Variants in RGS6 observed in about 807,000 individuals in gnomAD.
The protein encoded by RGS6 is regulator of G protein signaling 6, also known as regulator of G-protein signaling 6.
In RGS6, 30 loss-of-function variants were observed where a neutral mutation model predicts 78.5. The ratio of observed to expected loss-of-function variants is 0.38; its 90% CI spans 0.29 to 0.52. The LOEUF (loss-of-function observed/expected upper bound fraction) is 0.52. RGS6 is among the 20% of genes least tolerant of loss of function. The pLI is 0.85. For synonymous variants in RGS6, 206 were observed against 206.0 expected, an observed-to-expected ratio of 1.00 and a Z score of 0.00; for missense variants, 495 against 609.7, an observed-to-expected ratio of 0.81 and a Z score of 1.98.
At chr14:72,629,802 A>C in the RGS6 span, 3 of 1,259,436 alleles carry the variant, frequency 2.4e-6, no homozygotes, top group Non-Finnish European at 3.4e-6. Context: ...AACACCACTC[A>C]CTGGAAACAC....
chr14:72,339,283 T>A (rs1194742043), intron 2 of RGS6, among the ~76,000 whole-genome samples: 1 of 152,166 alleles, frequency 6.6e-6, no homozygotes, highest in Non-Finnish European at 1.5e-5. Context: ...TCAGGACACA[T>A]GGAAAGTGCC....
chr14:72,187,187 A>G (rs757483748), intron 2 of RGS6, among the ~76,000 whole-genome samples: 7 of 152,246 alleles, frequency 4.6e-5, no homozygotes, highest in Non-Finnish European at 8.8e-5. Flanking sequence ...TACAGTTAAC[A>G]TCAAGAAACT....
At chr14:72,264,973 C>T (rs2153896737) in intron 2 of RGS6, among the ~76,000 whole-genome samples, 1 of 152,246 alleles carries the variant, frequency 6.6e-6, no homozygotes, top group African/African-American at 2.4e-5. Context: ...CTCCCTGATG[C>T]CTGCCAGGAG....
chr14:72,582,185 T>C, the RGS6 span, among the ~76,000 whole-genome samples: 7 of 152,220 alleles, frequency 4.6e-5, no homozygotes, highest in Admixed American at 1.3e-4. Context: ...AGGTCCTACC[T>C]CCCAATGCCA....
At chr14:72,139,633 A>T (rs976647053) in intron 2 of RGS6, among the ~76,000 whole-genome samples, 1 of 152,200 alleles carries the variant, frequency 6.6e-6, no homozygotes, top group Admixed American at 6.5e-5. Context: ...TTATAGATAG[A>T]GTTTCAGCTA....
chr14:71,909,882 A>T, the RGS6 span, among the ~76,000 whole-genome samples: 1 of 152,104 alleles, frequency 6.6e-6, no homozygotes, highest in Non-Finnish European at 1.5e-5. Context: ...ATTTGAGCTA[A>T]AGGCAATTAA....
At chr14:72,262,561 T>A (rs531203797) in intron 2 of RGS6, among the ~76,000 whole-genome samples, 1 of 152,304 alleles carries the variant, frequency 6.6e-6, no homozygotes, top group East Asian at 1.9e-4. Context: ...GGATTAAGGT[T>A]TCAACATATA....
chr14:72,364,480 C>T (rs1395910945), intron 3 of RGS6, among the ~76,000 whole-genome samples: 1 of 152,192 alleles, frequency 6.6e-6, no homozygotes, highest in Non-Finnish European at 1.5e-5. Context: ...GACTTTCTAG[C>T]CATTTGAGAA....
At chr14:71,891,367 C>T in the RGS6 span, among the ~76,000 whole-genome samples, 1 of 152,162 alleles carries the variant, frequency 6.6e-6, no homozygotes, top group African/African-American at 2.4e-5. Flanking sequence ...GGTGGCTCCT[C>T]CCATGGCTGG....
chr14:72,346,077 T>A (rs766928877), intron 2 of RGS6, among the ~76,000 whole-genome samples: 24 of 152,216 alleles, frequency 1.6e-4, no homozygotes, highest in African/African-American at 5.1e-4. Flanking sequence ...CAGTCATTAG[T>A]AGCTAGAAAC....
the RGS6 span, among the ~76,000 whole-genome samples, chr14:71,903,591 C>T: frequency 9.9e-4 from 150 of 152,222 alleles, no homozygotes; most frequent in Non-Finnish European, 2.0e-3. Context: ...CTTGAGGTAA[C>T]GAGCCTGAAT....
chr14:72,620,150 C>A, the RGS6 span, among the ~76,000 whole-genome samples: 1 of 152,156 alleles, frequency 6.6e-6, no homozygotes, highest in African/African-American at 2.4e-5. Context: ...CTGTGCTTTT[C>A]CCACAACTGG....
chr14:72,046,268 T>C (rs10483839), intron 2 of RGS6, among the ~76,000 whole-genome samples: 4,035 of 151,968 alleles, frequency 0.027, 196 homozygotes, highest in African/African-American at 0.093. Flanking sequence ...TTTTGGACTT[T>C]TTAGCATGAC....
At position 72,517,347 on chromosome 14, in the gene RGS6, C is replaced by G. The variant is rs1290968911; in HGVS notation, c.1092-1004C>G. On this transcript the variant is annotated intron_variant, in intron 14 of 17. Transcript: ENST00000553525. ...TGATGGGGGAGCTGGCCTGTCCATG[C>G]ACAGGGCAAAGGATATGACACCCAG... Among the ~76,000 whole-genome samples the G allele has an allele frequency of 4.6e-5, 7 of 152,178 alleles. No homozygotes were observed. In the South Asian group the frequency reaches 1.0e-3, roughly 23 times the overall value.
At chr14:72,164,648 T>G (rs560847894) in intron 2 of RGS6, among the ~76,000 whole-genome samples, 114 of 152,312 alleles carry the variant, frequency 7.5e-4, no homozygotes, top group African/African-American at 2.2e-3. Flanking sequence ...GGTGCAGTTA[T>G]GTGACTCAAA....
chr14:72,007,694 T>C (rs952242129), intron 2 of RGS6, among the ~76,000 whole-genome samples: 12 of 152,208 alleles, frequency 7.9e-5, no homozygotes, highest in Admixed American at 2.0e-4. Context: ...AGGGCTTGCC[T>C]TACAGATCCT....
chr14:72,411,777 GC>G (rs2093431132), intron 3 of RGS6, among the ~76,000 whole-genome samples: 1 of 152,184 alleles, frequency 6.6e-6, no homozygotes, highest in African/African-American at 2.4e-5. Flanking sequence ...TTAGCATGAA[GC>G]GTTGTTGAAT....
intron 2 of RGS6, among the ~76,000 whole-genome samples, chr14:72,345,152 C>G (rs1270438978): frequency 5.3e-5 from 8 of 152,130 alleles, no homozygotes; most frequent in African/African-American, 1.9e-4. Flanking sequence ...TGCAGCTGTT[C>G]CCCCTCCCCC....
chr14:72,190,722 G>A (rs966559132), intron 2 of RGS6, among the ~76,000 whole-genome samples: 6 of 152,158 alleles, frequency 3.9e-5, no homozygotes, highest in African/African-American at 4.8e-5. Flanking sequence ...TGAGAATTTG[G>A]GATATACACT....
Sources: gnomAD v4.1 joint callset for allele counts (sites outside exome capture counted in the v4.1 genomes callset) on GRCh38, gnomAD v4.1.1 for gene constraint, MANE v1.5 for transcripts, NCBI Gene and HGNC (gene_info 2026-07-23, HGNC 2026-07-21) for gene names.